SLC8A1: variants seen among roughly 807,000 people sequenced by gnomAD.
SLC8A1 encodes sodium/calcium exchanger 1.
In SLC8A1, 18 loss-of-function variants were observed where a neutral mutation model predicts 68.3. The ratio of observed to expected loss-of-function variants is 0.26; its 90% CI spans 0.18 to 0.39. The LOEUF (loss-of-function observed/expected upper bound fraction) is 0.39, where lower values mean the gene tolerates loss of function less well. Among genes scored for constraint, SLC8A1 ranks in the 10% least tolerant of loss-of-function variants. The pLI is 1.00. For missense variants in SLC8A1, 985 were observed against 1,156.7 expected (o/e 0.85, Z 2.15); for synonymous variants, 475 against 415.5 (o/e 1.14, Z -1.74).
intron 1 of SLC8A1, among the ~76,000 whole-genome samples, chr2:40,498,461 A>T (rs1705850508): frequency 6.6e-6 from 1 of 152,138 alleles, no homozygotes; most frequent in Non-Finnish European, 1.5e-5. Flanking sequence ...TCAATGTTCA[A>T]ATTAAAGTCA....
At chr2:40,223,454 G>A (rs949298229) in intron 2 of SLC8A1, among the ~76,000 whole-genome samples, 2 of 151,990 alleles carry the variant, frequency 1.3e-5, no homozygotes, top group Non-Finnish European at 2.9e-5. Flanking sequence ...GTCATGGCAC[G>A]TGTATTCCTA....
intron 6 of SLC8A1, among the ~76,000 whole-genome samples, chr2:40,154,609 G>A (rs1228159461): frequency 2.5e-4 from 37 of 150,670 alleles, no homozygotes; most frequent in Admixed American, 2.1e-3. Context: ...TTACAGGTGT[G>A]AGCCACTGCG....
At chr2:40,305,815 T>A (rs1258386092) in intron 2 of SLC8A1, among the ~76,000 whole-genome samples, 3 of 152,194 alleles carry the variant, frequency 2.0e-5, no homozygotes, top group African/African-American at 7.2e-5. Flanking sequence ...GTATAGACAT[T>A]TGTAAGAAAA....
chr2:40,404,803 G>A (rs1379625048), intron 2 of SLC8A1, among the ~76,000 whole-genome samples: 3 of 152,068 alleles, frequency 2.0e-5, no homozygotes, highest in African/African-American at 7.2e-5. Flanking sequence ...GTCCAAAAAG[G>A]CCCCCATTGC....
intron 2 of SLC8A1, among the ~76,000 whole-genome samples, chr2:40,181,686 A>C (rs1030270151): frequency 3.3e-5 from 5 of 152,214 alleles, no homozygotes; most frequent in Non-Finnish European, 7.3e-5. Flanking sequence ...GTCCTTATGA[A>C]TTAGCCCTTT....
chr2:40,455,094 G>A (rs935696199), upstream of SLC8A1, among the ~76,000 whole-genome samples: 1 of 152,180 alleles, frequency 6.6e-6, no homozygotes, highest in Non-Finnish European at 1.5e-5. Flanking sequence ...GGACTCCACA[G>A]GGATATCACT....
intron 1 of SLC8A1, among the ~76,000 whole-genome samples, chr2:40,500,412 C>A (rs1212114712): frequency 6.6e-6 from 1 of 152,072 alleles, no homozygotes; most frequent in Non-Finnish European, 1.5e-5. Context: ...GACAGATTAA[C>A]TTATTAAAAG....
intron 6 of SLC8A1, among the ~76,000 whole-genome samples, chr2:40,144,787 A>G (rs2042152370): frequency 6.6e-6 from 1 of 152,044 alleles, no homozygotes. Flanking sequence ...ATTTTTTTCT[A>G]TTTAAACATT....
At chr2:40,421,433 A>G (rs1695479748) in intron 2 of SLC8A1, among the ~76,000 whole-genome samples, 1 of 152,192 alleles carries the variant, frequency 6.6e-6, no homozygotes, top group African/African-American at 2.4e-5. Flanking sequence ...CTTGGTTTCA[A>G]GGGTCACCAC....
exon 8 of SLC8A1, chr2:40,108,178 A>G (rs755645124): frequency 1.3e-5 from 2 of 152,232 alleles, no homozygotes; most frequent in African/African-American, 2.4e-5. Flanking sequence ...TAGAAACTTG[A>G]TGGCTTAAAG....
At chr2:40,173,665 G>T (rs2047950267) in intron 4 of SLC8A1, among the ~76,000 whole-genome samples, 1 of 147,136 alleles carries the variant, frequency 6.8e-6, no homozygotes, top group South Asian at 2.1e-4. Flanking sequence ...TTCATGATCA[G>T]AAATTTGAAG....
intron 2 of SLC8A1, among the ~76,000 whole-genome samples, chr2:40,253,404 G>C (rs1369955956): frequency 6.6e-6 from 1 of 151,754 alleles, no homozygotes. Flanking sequence ...CAGCAACATG[G>C]ATGGAACTGG....
chr2:40,287,820 T>A (rs957431939), intron 2 of SLC8A1, among the ~76,000 whole-genome samples: 5 of 151,774 alleles, frequency 3.3e-5, no homozygotes, highest in Admixed American at 3.3e-4. Flanking sequence ...CTGAAGGCAT[T>A]TTTCCCTTTG....
At chr2:40,431,578 C>A (rs1205086025) in intron 1 of SLC8A1, among the ~76,000 whole-genome samples, 1 of 152,084 alleles carries the variant, frequency 6.6e-6, no homozygotes, top group East Asian at 1.9e-4. Flanking sequence ...TGAGGGGAAA[C>A]TGAAGTAGAG....
intron 2 of SLC8A1, among the ~76,000 whole-genome samples, chr2:40,346,965 A>G (rs1669551097): frequency 6.6e-6 from 1 of 152,184 alleles, no homozygotes; most frequent in Non-Finnish European, 1.5e-5. Flanking sequence ...AAAATAAAAT[A>G]AACCCTGCTT....
chr2:40,398,548 A>T (rs1204377276), intron 2 of SLC8A1, among the ~76,000 whole-genome samples: 1 of 152,236 alleles, frequency 6.6e-6, no homozygotes, highest in African/African-American at 2.4e-5. Context: ...TGACCCACTA[A>T]CACAATTTTC....
intron 7 of SLC8A1, among the ~76,000 whole-genome samples, chr2:40,118,806 G>A (rs1352431630): frequency 4.0e-5 from 6 of 151,744 alleles, no homozygotes; most frequent in South Asian, 2.1e-4. Context: ...GGGCAGTTGC[G>A]GGGGTGGTAA....
intron 2 of SLC8A1, among the ~76,000 whole-genome samples, chr2:40,269,788 T>C (rs1163316498): frequency 6.6e-6 from 1 of 152,062 alleles, no homozygotes; most frequent in Non-Finnish European, 1.5e-5. Flanking sequence ...TGTTGCTGTT[T>C]TTTTTTTCTA....
intron 2 of SLC8A1, among the ~76,000 whole-genome samples, chr2:40,243,778 A>G (rs1174571937): frequency 6.6e-6 from 1 of 152,242 alleles, no homozygotes; most frequent in Admixed American, 6.5e-5. Flanking sequence ...CTGCACATTT[A>G]TAGTTGAATC....
Sources: allele counts gnomAD v4.1 joint callset (sites outside exome capture counted in the v4.1 genomes callset), GRCh38; gene constraint gnomAD v4.1.1; transcripts MANE v1.5; gene names NCBI Gene and HGNC (gene_info 2026-07-23, HGNC 2026-07-21).